Variants in KCNIP1 observed in about 807,000 individuals in gnomAD.
KCNIP1 encodes A-type potassium channel modulatory protein KCNIP1.
A neutral mutation model predicts 33.0 loss-of-function variants in KCNIP1; 18 were observed. The ratio of observed to expected loss-of-function variants is 0.55; its 90% confidence interval spans 0.38 to 0.81. The LOEUF is 0.81. KCNIP1 is among the 30% of genes least tolerant of loss of function. KCNIP1 has a pLI of 0.00. For missense variants in KCNIP1, 238 were observed against 271.6 expected, an observed-to-expected ratio of 0.88 and a Z score of 0.87; for synonymous variants, 93 against 98.3, an observed-to-expected ratio of 0.95 and a Z score of 0.32.
intron 1 of KCNIP1, among the ~76,000 whole-genome samples, chr5:170,477,304 T>C (rs1051405309): frequency 5.3e-5 from 8 of 151,090 alleles, no homozygotes; most frequent in African/African-American, 1.7e-4. Context: ...TGTGTATATA[T>C]ATATACACAT....
chr5:170,720,038 C>T (rs1232638648), intron 2 of KCNIP1, among the ~76,000 whole-genome samples: 1 of 152,164 alleles, frequency 6.6e-6, no homozygotes, highest in Non-Finnish European at 1.5e-5. Flanking sequence ...ACTGGCTTGG[C>T]CAAAGTCACA....
intron 1 of KCNIP1, among the ~76,000 whole-genome samples, chr5:170,465,645 A>C (rs1406614148): frequency 2.6e-5 from 4 of 152,210 alleles, no homozygotes; most frequent in African/African-American, 9.6e-5. Context: ...ACAAAGAGAG[A>C]GACAGAAAGA....
chr5:170,506,744 G>A (rs575064002), intron 1 of KCNIP1, among the ~76,000 whole-genome samples: 2 of 152,306 alleles, frequency 1.3e-5, no homozygotes, highest in East Asian at 3.9e-4. Context: ...AGCAGGTTCG[G>A]GGCCAATGGG....
At chr5:170,688,041 G>A (rs138071380) in intron 1 of KCNIP1, among the ~76,000 whole-genome samples, 25 of 152,224 alleles carry the variant, frequency 1.6e-4, no homozygotes, top group Middle Eastern at 6.8e-3. Context: ...TATTTATTAA[G>A]CTCTTACCAT....
intron 1 of KCNIP1, among the ~76,000 whole-genome samples, chr5:170,555,199 T>C (rs549938251): frequency 6.6e-6 from 1 of 152,194 alleles, no homozygotes; most frequent in Non-Finnish European, 1.5e-5. Flanking sequence ...ACTCAGGAGA[T>C]CGCAGGCGGG....
intron 1 of KCNIP1, among the ~76,000 whole-genome samples, chr5:170,586,212 G>A (rs1581362098): frequency 1.3e-5 from 2 of 152,150 alleles, no homozygotes; most frequent in Admixed American, 1.3e-4. Flanking sequence ...TATGATCATC[G>A]ATTGCTCTCT....
chr5:170,469,717 G>T (rs1462399218), intron 1 of KCNIP1, among the ~76,000 whole-genome samples: 1 of 152,186 alleles, frequency 6.6e-6, no homozygotes, highest in Non-Finnish European at 1.5e-5. Context: ...TTTCCTTGCT[G>T]CATTGCAAAG....
intron 1 of KCNIP1, among the ~76,000 whole-genome samples, chr5:170,671,107 CT>C (rs1306761150): frequency 1.3e-5 from 2 of 152,150 alleles, no homozygotes; most frequent in Non-Finnish European, 2.9e-5. Context: ...GTCCCCCATT[CT>C]GTTCTCTGCA....
At chr5:170,401,346 G>C (rs1205487528) in intron 1 of KCNIP1, among the ~76,000 whole-genome samples, 1 of 152,208 alleles carries the variant, frequency 6.6e-6, no homozygotes, top group Admixed American at 6.5e-5. Context: ...TTTACACTCA[G>C]AGTGAATATT....
At chr5:170,656,081 G>T (rs1465390655) in intron 1 of KCNIP1, among the ~76,000 whole-genome samples, 5 of 152,098 alleles carry the variant, frequency 3.3e-5, no homozygotes, top group African/African-American at 1.2e-4. Flanking sequence ...TCCGCAAGCA[G>T]CGAGAGTAGC....
At chr5:170,395,691 A>G (rs1314072646) in intron 1 of KCNIP1, among the ~76,000 whole-genome samples, 1 of 152,212 alleles carries the variant, frequency 6.6e-6, no homozygotes, top group Non-Finnish European at 1.5e-5. Flanking sequence ...CAGGTTGGCA[A>G]TTGCTCAACC....
At chr5:170,705,380 C>T (rs1373108014) in intron 1 of KCNIP1, among the ~76,000 whole-genome samples, 1 of 152,178 alleles carries the variant, frequency 6.6e-6, no homozygotes, top group Non-Finnish European at 1.5e-5. Flanking sequence ...AGTTCATGTT[C>T]CAGTGGAGGG....
At chr5:170,409,975 G>A (rs940683004) in intron 1 of KCNIP1, among the ~76,000 whole-genome samples, 1 of 140,002 alleles carries the variant, frequency 7.1e-6, no homozygotes, top group African/African-American at 3.1e-5. Flanking sequence ...GTTAGCATTT[G>A]ACTGGCATTT....
chr5:170,442,867 T>C (rs550931540), intron 1 of KCNIP1, among the ~76,000 whole-genome samples: 1 of 152,324 alleles, frequency 6.6e-6, no homozygotes, highest in Admixed American at 6.5e-5. Context: ...ATCAGGGATG[T>C]AGAATCCTGT....
intron 1 of KCNIP1, among the ~76,000 whole-genome samples, chr5:170,597,644 T>C (rs1274395769): frequency 6.6e-6 from 1 of 151,724 alleles, no homozygotes; most frequent in Middle Eastern, 3.2e-3. Flanking sequence ...CAGATTCTCC[T>C]TGTCAGACAA....
At chr5:170,399,871 G>A (rs1290383709) in intron 1 of KCNIP1, among the ~76,000 whole-genome samples, 1 of 152,040 alleles carries the variant, frequency 6.6e-6, no homozygotes, top group Non-Finnish European at 1.5e-5. Flanking sequence ...TGTCATCTTT[G>A]CTCACCTCTC....
intron 1 of KCNIP1, among the ~76,000 whole-genome samples, chr5:170,707,949 G>A (rs959319847): frequency 2.6e-5 from 4 of 152,096 alleles, no homozygotes; most frequent in Non-Finnish European, 4.4e-5. Context: ...TTATTGAACC[G>A]AGAAGACTGA....
intron 1 of KCNIP1, among the ~76,000 whole-genome samples, chr5:170,361,028 G>A (rs748086620): frequency 6.6e-6 from 1 of 152,226 alleles, no homozygotes; most frequent in South Asian, 2.1e-4. Flanking sequence ...TGAGACAAGG[G>A]TCAGTGCAAA....
chr5:170,587,298 A>G (rs1021057795), intron 1 of KCNIP1, among the ~76,000 whole-genome samples: 2 of 150,632 alleles, frequency 1.3e-5, no homozygotes, highest in African/African-American at 4.9e-5. Flanking sequence ...GCAGGCACCT[A>G]TAGTCCTAGC....
Sources: allele counts gnomAD v4.1 joint callset (sites outside exome capture counted in the v4.1 genomes callset), GRCh38; gene constraint gnomAD v4.1.1; transcripts MANE v1.5; gene names NCBI Gene and HGNC (gene_info 2026-07-23, HGNC 2026-07-21).